SYNE2: variants seen among roughly 807,000 people sequenced by gnomAD.
SYNE2 encodes the protein spectrin repeat containing nuclear envelope protein 2, also known as nesprin-2.
Under a neutral mutation model 856.3 loss-of-function variants are expected in SYNE2, and 431 were observed. The observed-to-expected ratio is 0.50, with a 90% CI of 0.47 to 0.55. The LOEUF (loss-of-function observed/expected upper bound fraction) is 0.55. SYNE2 is among the 20% of genes least tolerant of loss of function. The pLI is 0.00. For synonymous variants in SYNE2, 2,923 were observed against 2,872.3 expected (o/e 1.02, Z -0.56); for missense variants, 8,129 against 8,023.2 (o/e 1.01, Z -0.50).
At chr14:63,920,694 G>A (rs2095589479) in intron 2 of SYNE2, among the ~76,000 whole-genome samples, 2 of 151,924 alleles carry the variant, frequency 1.3e-5, no homozygotes, top group South Asian at 4.2e-4. Flanking sequence ...AGAAAGAATG[G>A]TGTCCTGATG....
intron 2 of SYNE2, among the ~76,000 whole-genome samples, chr14:63,927,949 T>G (rs1595690469): frequency 6.6e-6 from 1 of 152,122 alleles, no homozygotes. Context: ...CTCAGCCATG[T>G]GGAACTGTGA....
intron 45 of SYNE2, among the ~76,000 whole-genome samples, chr14:64,044,899 C>T (rs8018232): frequency 0.035 from 5,301 of 152,182 alleles, 316 homozygotes; most frequent in African/African-American, 0.12. Flanking sequence ...TCAGGTATGT[C>T]TTTACCAGCA....
At chr14:64,117,903 A>G (rs1412325676) in intron 66 of SYNE2, among the ~76,000 whole-genome samples, 5 of 152,080 alleles carry the variant, frequency 3.3e-5, no homozygotes, top group Admixed American at 1.3e-4. Context: ...ATGGTGTGCA[A>G]TTTTATCACG....
intron 21 of SYNE2, among the ~76,000 whole-genome samples, chr14:63,991,896 G>A (rs1372870369): frequency 1.3e-5 from 2 of 152,138 alleles, no homozygotes; most frequent in East Asian, 3.9e-4. Context: ...CTTTATGAAA[G>A]GGCGCCCTAT....
At chr14:63,943,017 C>T (rs936291708) in intron 6 of SYNE2, among the ~76,000 whole-genome samples, 1 of 152,198 alleles carries the variant, frequency 6.6e-6, no homozygotes, top group African/African-American at 2.4e-5. Context: ...CTGAACAGAA[C>T]CTGCCATGGT....
chr14:63,875,489 TCTC>T (rs1368334627), intron 1 of SYNE2, among the ~76,000 whole-genome samples: 2 of 152,106 alleles, frequency 1.3e-5, no homozygotes, highest in African/African-American at 4.8e-5. Context: ...ACTTCCTCCT[TCTC>T]CTGGGAAGTT....
chr14:63,810,016 G>A (rs1026871314), intron 1 of SYNE2, among the ~76,000 whole-genome samples: 2 of 152,042 alleles, frequency 1.3e-5, no homozygotes, highest in Non-Finnish European at 2.9e-5. Flanking sequence ...TAAGGCCAGG[G>A]TTCAAAATCA....
At chr14:64,088,305 CT>C (rs1282127162) in intron 58 of SYNE2, among the ~76,000 whole-genome samples, 1 of 152,186 alleles carries the variant, frequency 6.6e-6, no homozygotes, top group Admixed American at 6.5e-5. Flanking sequence ...ACTTTGCAAC[CT>C]GTAGTGTAAC....
chr14:64,078,856 G>A (rs2097493534), intron 55 of SYNE2, among the ~76,000 whole-genome samples: 1 of 152,216 alleles, frequency 6.6e-6, no homozygotes, highest in South Asian at 2.1e-4. Flanking sequence ...ATGATCACTT[G>A]AGCCTAGGAG....
chr14:63,835,536 C>G (rs757162292), intron 1 of SYNE2, among the ~76,000 whole-genome samples: 1 of 150,220 alleles, frequency 6.7e-6, no homozygotes, highest in Non-Finnish European at 1.5e-5. Flanking sequence ...CCTGGCCTTA[C>G]GTATGTACAT....
intron 81 of SYNE2, 38 bp downstream of exon 81, chr14:64,141,561 A>G (rs759678644): frequency 6.3e-7 from 1 of 1,591,130 alleles, no homozygotes; most frequent in Non-Finnish European, 8.6e-7. Flanking sequence ...ATTAGCATTC[A>G]CTTGTTAGCT....
chr14:64,179,107 CTT>C (rs2098447228), intron 96 of SYNE2, among the ~76,000 whole-genome samples: 1 of 152,056 alleles, frequency 6.6e-6, no homozygotes, highest in African/African-American at 2.4e-5. Context: ...AATTTTAAAA[CTT>C]TATATAAGCA....
chr14:63,886,969 G>A (rs2095001308), intron 1 of SYNE2, among the ~76,000 whole-genome samples: 1 of 152,064 alleles, frequency 6.6e-6, no homozygotes. Flanking sequence ...TCTTTAATTA[G>A]TAATGAATTT....
intron 6 of SYNE2, among the ~76,000 whole-genome samples, chr14:63,948,674 T>TATATATATGTGTGTATATATATATATATG (rs1555393385): frequency 3.9e-5 from 4 of 102,960 alleles, no homozygotes; most frequent in African/African-American, 7.6e-5. Flanking sequence ...AAAAAAAAAA[T>TATATATATGTGTGTATATATATATATATG]TATATATATA....
At position 63,982,715 on chromosome 14, in the gene SYNE2, A is replaced by G; in HGVS notation, c.1922A>G (p.Asp641Gly). Reference sequence around the variant, plus strand: ...AATTTCTTAGTCGAAGTCAGCAATGATGTGGTTGGATCATCTATTTCTAAA... The same window carrying G: ...AATTTCTTAGTCGAAGTCAGCAATGGTGTGGTTGGATCATCTATTTCTAAA... ...AGNFLVEVSN[D>G]VVGSSISKEL... Residue 641 changes from aspartate (D) to glycine (G), a missense_variant, in exon 17 of 116, where the codon GAT becomes GGT. By Grantham distance (94) the Asp-to-Gly change is moderately conservative. Around this residue, in one of 3 missense-constraint regions of SYNE2, gnomAD observed 2,422 missense variants for 2,357.4 expected, o/e 1.03. Coordinates refer to ENST00000555002, the MANE Select transcript of SYNE2 (RefSeq NM_182914.3). The G allele has an allele frequency of 6.2e-7, 1 of 1,614,086 alleles. No homozygotes were observed. The highest frequency in any genetic ancestry group is 8.5e-7 in the Non-Finnish European group (1 of 1,179,994).
At chr14:63,769,753 G>A (rs1886834026) in intron 1 of SYNE2, among the ~76,000 whole-genome samples, 2 of 149,456 alleles carry the variant, frequency 1.3e-5, no homozygotes, top group Non-Finnish European at 3.0e-5. Flanking sequence ...AGAAAAATCA[G>A]CTGAGTGTGG....
chr14:64,064,420 CAAAT>C (rs2097341803), intron 50 of SYNE2, among the ~76,000 whole-genome samples: 1 of 151,594 alleles, frequency 6.6e-6, no homozygotes, highest in Non-Finnish European at 1.5e-5. Flanking sequence ...ACATTTTATA[CAAAT>C]AAATCTTACA....
chr14:63,899,757 T>G (rs1391254508), intron 1 of SYNE2, among the ~76,000 whole-genome samples: 1 of 151,428 alleles, frequency 6.6e-6, no homozygotes, highest in African/African-American at 2.4e-5. Context: ...TTGCCTTGGC[T>G]TCCCACAGTG....
intron 64 of SYNE2, among the ~76,000 whole-genome samples, chr14:64,104,932 A>C (rs2097761516): frequency 6.6e-6 from 1 of 151,964 alleles, no homozygotes; most frequent in Non-Finnish European, 1.5e-5. Context: ...AACCTATTTT[A>C]CCACCTTTCC....
Sources: gnomAD v4.1 joint callset for allele counts (sites outside exome capture counted in the v4.1 genomes callset) on GRCh38, gnomAD v4.1.1 for gene constraint, gnomAD v4.1.1 regional missense constraint, MANE v1.5 for transcripts, NCBI Gene and HGNC (gene_info 2026-07-23, HGNC 2026-07-21) for gene names.